Variants in CASK observed in about 807,000 individuals in gnomAD.
The protein encoded by CASK is peripheral plasma membrane protein CASK.
A neutral mutation model predicts 82.9 loss-of-function variants in CASK; 4 were observed. The observed-to-expected ratio is 0.05, with a 90% CI of 0.02 to 0.11. CASK has a LOEUF of 0.11. CASK is among the 10% of genes least tolerant of loss of function. CASK has a pLI of 1.00. For synonymous variants in CASK, 259 were observed against 253.5 expected (o/e 1.02, Z -0.20); for missense variants, 358 against 720.9 (o/e 0.50, Z 5.76).
At chrX:41,717,079 C>T (rs763209576) in intron 5 of CASK, among the ~76,000 whole-genome samples, 3 of 110,597 alleles carry the variant, frequency 2.7e-5, no homozygotes, top group Admixed American at 9.7e-5. Context: ...CTGCCCTTCC[C>T]GCCAGTGTAA....
At chrX:41,888,743 A>ATATATATGTATATGTATGTG in intron 1 of CASK, among the ~76,000 whole-genome samples, 1 of 98,668 alleles carries the variant, frequency 1.0e-5, no homozygotes, top group South Asian at 4.2e-4. Flanking sequence ...ATATATATAC[A>ATATATATGTATATGTATGTG]TATATATGTA....
intron 21 of CASK, among the ~76,000 whole-genome samples, chrX:41,550,340 C>A (rs2065079340): frequency 9.0e-6 from 1 of 111,265 alleles, no homozygotes; most frequent in African/African-American, 3.3e-5. Context: ...TTCATCCATA[C>A]TGCTGCATAT....
At chrX:41,559,015 C>T (rs1383274449) in intron 18 of CASK, 1 of 111,812 alleles carries the variant, frequency 8.9e-6, no homozygotes, top group Non-Finnish European at 1.9e-5. Flanking sequence ...AAATAACACT[C>T]GAGCTGAACG....
chrX:41,908,492 T>C (rs1485225828), intron 1 of CASK, among the ~76,000 whole-genome samples: 2 of 111,742 alleles, frequency 1.8e-5, no homozygotes, highest in Non-Finnish European at 1.9e-5. Flanking sequence ...AAAATGAAGA[T>C]TACAATACAT....
intron 11 of CASK, among the ~76,000 whole-genome samples, chrX:41,618,396 C>T (rs916654029): frequency 5.4e-5 from 6 of 111,014 alleles, no homozygotes; most frequent in African/African-American, 2.0e-4. Context: ...ACCTTCTGGG[C>T]TTGAGCAATC....
intron 1 of CASK, among the ~76,000 whole-genome samples, chrX:41,871,925 A>G (rs2071714325): frequency 8.9e-6 from 1 of 112,170 alleles, no homozygotes; most frequent in African/African-American, 3.2e-5. Context: ...ATATTATTCT[A>G]TCTTGCTCAG....
intron 10 of CASK, among the ~76,000 whole-genome samples, chrX:41,626,093 C>A (rs761866997): frequency 8.2e-5 from 9 of 109,191 alleles, no homozygotes; most frequent in Admixed American, 3.0e-4. Flanking sequence ...CATGAGCCAC[C>A]ATGCCTGGCC....
chrX:41,516,012 G>C lies in CASK; in HGVS notation c.*4408C>G, dbSNP rs1234700715. On this transcript the variant is annotated 3_prime_UTR_variant, in exon 27 of 27. Transcript: ENST00000378163. ...CCATTTGCACAGGTTCGAGGGAGTT[G>C]ATGGAGGGTCAGACGAGAGGTGGTG... 1 of 112,191 alleles carries C rather than the reference G, an allele frequency of 8.9e-6. No individual in the cohort carries two copies. Among genetic ancestry groups the C allele is most frequent in the Non-Finnish European group, 1.9e-5 (1 of 53,280 alleles). 9.2% of individuals were successfully genotyped at this position (112,191 alleles called of 1,213,427 possible). A position where few individuals can be genotyped will look rare whatever the true frequency, so the allele number is the denominator to read the frequency against.
At chrX:41,570,534 T>C (rs956636443) in intron 15 of CASK, among the ~76,000 whole-genome samples, 13 of 111,362 alleles carry the variant, frequency 1.2e-4, no homozygotes, top group African/African-American at 3.3e-4. Context: ...TGCTCGTTGG[T>C]AATATTCTCC....
rs767887493 is a variant in CASK at position 41,745,555 on chromosome X, C to T, written c.325G>A (p.Ala109Thr). Residue 109 changes from alanine (A) to threonine (T), a missense_variant, in exon 4 of 27, where the codon GCT becomes ACT. Around this residue, in one of 5 missense-constraint regions of CASK, gnomAD observed 70 missense variants for 228.4 expected, o/e 0.31. Coordinates refer to ENST00000378163, the MANE Select transcript of CASK (RefSeq NM_001367721.1). ...LCFEIVKRAD[A>T]GFVYSEAVAS... ...ACAGCTTCACTGTACACAAAACCAGCGTCAGCTCGCTTTACGATTTCAAAA... is the reference window on the plus strand; with the variant it reads ...ACAGCTTCACTGTACACAAAACCAGTGTCAGCTCGCTTTACGATTTCAAAA... The T allele has an allele frequency of 1.7e-6, 2 of 1,203,235 alleles. No individual in the cohort carries two copies. Among genetic ancestry groups the T allele is most frequent in the Non-Finnish European group, 2.3e-6 (2 of 887,987 alleles).
rs1247083187 is a variant in CASK at position 41,676,336 on chromosome X, TC to T, written c.430-4807del. On this transcript the variant is annotated intron_variant, in intron 5 of 26. Coordinates refer to ENST00000378163, the MANE Select transcript of CASK (RefSeq NM_001367721.1). The stretch of plus-strand genomic sequence containing the variant: ...CGACCCTCCAAGATGACCTACGGGC[TC>T]CTAAAACATTTTTATAAGCAACTGA... 5.0e-6 allele frequency: 6 copies of T among 1,197,528 alleles called. No homozygotes were observed. The African/African-American group carries it at 5.2e-5, about 10-fold the overall frequency.
intron 18 of CASK, among the ~76,000 whole-genome samples, chrX:41,557,578 A>G (rs2065174740): frequency 8.9e-6 from 1 of 112,088 alleles, no homozygotes; most frequent in Non-Finnish European, 1.9e-5. Context: ...TGTTACAATC[A>G]CCTCAGAATC....
chrX:41,861,490 T>G (rs960779590), intron 1 of CASK, among the ~76,000 whole-genome samples: 1 of 110,621 alleles, frequency 9.0e-6, no homozygotes, highest in African/African-American at 3.3e-5. Flanking sequence ...GAATTCTGAC[T>G]TGGTTACACA....
chrX:41,745,295 C>T (rs191769966), intron 4 of CASK, among the ~76,000 whole-genome samples: 1 of 111,758 alleles, frequency 8.9e-6, no homozygotes, highest in Admixed American at 9.5e-5. Context: ...GGATTACAGG[C>T]GTGAGCCACC....
chrX:41,521,417 T>C (rs1478089764), intron 26 of CASK, among the ~76,000 whole-genome samples: 1 of 112,032 alleles, frequency 8.9e-6, no homozygotes, highest in Non-Finnish European at 1.9e-5. Flanking sequence ...TAGGGAGTAC[T>C]GAACTCTAGG....
intron 1 of CASK, among the ~76,000 whole-genome samples, chrX:41,867,363 CCAGA>C (rs1474501952): frequency 8.9e-6 from 1 of 112,023 alleles, no homozygotes; most frequent in Non-Finnish European, 1.9e-5. Flanking sequence ...GTGCCATCTT[CCAGA>C]CACTTACATT....
intron 21 of CASK, among the ~76,000 whole-genome samples, chrX:41,544,134 C>T (rs1179614447): frequency 3.6e-5 from 4 of 112,381 alleles, no homozygotes; most frequent in Admixed American, 1.9e-4. Flanking sequence ...TATTAATATA[C>T]GTGTTGCAGA....
intron 2 of CASK, among the ~76,000 whole-genome samples, chrX:41,804,777 C>G (rs918212598): frequency 9.0e-6 from 1 of 111,724 alleles, no homozygotes; most frequent in Non-Finnish European, 1.9e-5. Context: ...ATATCACCAC[C>G]AACAAAAGCA....
chrX:41,544,294 C>G (rs764491515), intron 21 of CASK, among the ~76,000 whole-genome samples: 6 of 111,547 alleles, frequency 5.4e-5, no homozygotes, highest in Non-Finnish European at 3.8e-5. Context: ...CAGCCAGGTG[C>G]GATGGCTCAC....
Sources: gnomAD v4.1 joint callset for allele counts (sites outside exome capture counted in the v4.1 genomes callset) on GRCh38, gnomAD v4.1.1 for gene constraint, gnomAD v4.1.1 regional missense constraint, MANE v1.5 for transcripts, NCBI Gene and HGNC (gene_info 2026-07-23, HGNC 2026-07-21) for gene names.